Variants in TCF12 observed in about 807,000 individuals in gnomAD.
TCF12 encodes the protein transcription factor 12, also known as DNA-binding protein HTF4.
TCF12 carries 45 observed loss-of-function variants against 86.0 expected under a neutral mutation model. The observed-to-expected ratio is 0.52, with a 90% CI of 0.41 to 0.67. The LOEUF is 0.67. Ranked by LOEUF, TCF12 falls within the 30% of genes least tolerant of loss-of-function variation. The probability of loss-of-function intolerance (pLI) is 0.00; values close to 1 mark genes in which losing one functional copy is unlikely to be tolerated. For synonymous variants in TCF12, 330 were observed against 299.6 expected, an observed-to-expected ratio of 1.10 and a Z score of -1.05; for missense variants, 881 against 859.9, an observed-to-expected ratio of 1.02 and a Z score of -0.31.
chr15:56,936,369 T>G (rs2060470773), intron 3 of TCF12, among the ~76,000 whole-genome samples: 1 of 152,208 alleles, frequency 6.6e-6, no homozygotes, highest in African/African-American at 2.4e-5. Context: ...CCTTGTAGAT[T>G]CTGGATATTA....
chr15:57,187,925 G>C (rs2056767784), intron 6 of TCF12, among the ~76,000 whole-genome samples: 1 of 151,980 alleles, frequency 6.6e-6, no homozygotes, highest in African/African-American at 2.4e-5. Context: ...ATGATAGAGT[G>C]AGACTCCATC....
At chr15:57,192,419 C>G in intron 7 of TCF12, 126 bp downstream of exon 7, 1 of 1,279,816 alleles carries the variant, frequency 7.8e-7, no homozygotes, top group Non-Finnish European at 1.1e-6. Flanking sequence ...GACAGCGTCT[C>G]ACTCTGTTAC....
Position 57,194,819 on chromosome 15 carries a change from G to A in TCF12, c.526+2526G>A, listed in dbSNP as rs2057169087. On this transcript the variant is annotated intron_variant, in intron 7 of 20. Coordinates refer to ENST00000333725, the MANE Select transcript of TCF12 (RefSeq NM_207037.2). ...ATGGAGGTAACTGAAGCTCAAAGAG[G>A]GTTAAGTAACTAGCTGCTATATGAT... Among the ~76,000 whole-genome samples, 5 of 152,204 alleles carry A rather than the reference G, an allele frequency of 3.3e-5. No individual in the cohort carries two copies. In the South Asian group the frequency reaches 8.3e-4, roughly 25 times the overall value.
intron 3 of TCF12, among the ~76,000 whole-genome samples, chr15:57,027,044 G>C (rs1387955965): frequency 5.3e-5 from 8 of 151,854 alleles, no homozygotes; most frequent in African/African-American, 1.9e-4. Context: ...TCGAACTGAG[G>C]TTGAATGAAT....
At chr15:57,203,014 TA>T (rs1481924626) in intron 8 of TCF12, among the ~76,000 whole-genome samples, 3 of 152,168 alleles carry the variant, frequency 2.0e-5, no homozygotes, top group Non-Finnish European at 4.4e-5. Context: ...TGAAGATATA[TA>T]AAAAAGGATA....
intron 8 of TCF12, chr15:57,214,253 A>T (rs1320700545): frequency 1.3e-5 from 2 of 152,202 alleles, no homozygotes; most frequent in Non-Finnish European, 2.9e-5. Flanking sequence ...CTCAGTAATT[A>T]TATAGTTCTG....
At chr15:57,256,784 AT>A (rs1181076937) in intron 16 of TCF12, among the ~76,000 whole-genome samples, 3 of 152,154 alleles carry the variant, frequency 2.0e-5, no homozygotes, top group Admixed American at 6.5e-5. Flanking sequence ...TCATTATTCC[AT>A]TTGTTTATTG....
chr15:57,028,008 G>T (rs1044648816), intron 3 of TCF12, among the ~76,000 whole-genome samples: 7 of 151,948 alleles, frequency 4.6e-5, no homozygotes, highest in Non-Finnish European at 1.0e-4. Flanking sequence ...CTGTTGCCCA[G>T]GCTGGAGTGT....
rs745407664 is a variant in TCF12, at chr15:56,978,355, T to G, written c.148+57257T>G. Among the ~76,000 whole-genome samples, 53 of 152,352 alleles carry G rather than the reference T, an allele frequency of 3.5e-4. 1 individual carries two copies. Among genetic ancestry groups the G allele is most frequent in the Middle Eastern group, 6.8e-3 (2 of 294 alleles). ...CAATAAATTTTTAGGGAAATGTGTTTGCCAGAATTGTTTTAAATTGTAGTA... is the reference window on the plus strand; with the variant it reads ...CAATAAATTTTTAGGGAAATGTGTTGGCCAGAATTGTTTTAAATTGTAGTA... On this transcript the variant is annotated intron_variant, in intron 3 of 20. Transcript: ENST00000333725.
intron 3 of TCF12, among the ~76,000 whole-genome samples, chr15:56,924,542 CTTAAGGTATT>C (rs2059922930): frequency 6.6e-6 from 1 of 152,108 alleles, no homozygotes; most frequent in South Asian, 2.1e-4. Flanking sequence ...TGACCTTTCA[CTTAAGGTATT>C]TTAAGGTTAT....
intron 19 of TCF12, among the ~76,000 whole-genome samples, chr15:57,277,424 A>G (rs2061449125): frequency 6.6e-6 from 1 of 151,818 alleles, no homozygotes; most frequent in Admixed American, 6.6e-5. Flanking sequence ...AGGTCAAGAG[A>G]TCGAGACCAT....
At chr15:57,135,383 A>C (rs1567492614) in intron 5 of TCF12, among the ~76,000 whole-genome samples, 1 of 152,200 alleles carries the variant, frequency 6.6e-6, no homozygotes, top group Non-Finnish European at 1.5e-5. Context: ...AATGCTATGA[A>C]AGAGACTATT....
chr15:57,000,927 G>A (rs999699213), intron 3 of TCF12, among the ~76,000 whole-genome samples: 1 of 150,780 alleles, frequency 6.6e-6, no homozygotes, highest in Non-Finnish European at 1.5e-5. Context: ...TGACTCTACA[G>A]CCATTTTTTT....
intron 14 of TCF12, among the ~76,000 whole-genome samples, chr15:57,251,677 A>T (rs1010178287): frequency 2.0e-5 from 3 of 152,196 alleles, no homozygotes; most frequent in Admixed American, 1.3e-4. Flanking sequence ...TTCTTTGACA[A>T]ATCTAGGGCT....
At chr15:57,281,626 C>T (rs979496458) in intron 19 of TCF12, 8 of 152,216 alleles carry the variant, frequency 5.3e-5, no homozygotes, top group African/African-American at 1.9e-4. Context: ...ATTAGATTCT[C>T]ATAGGAGCAT....
chr15:57,079,196 A>T (rs1300396802), intron 4 of TCF12, among the ~76,000 whole-genome samples: 1 of 152,214 alleles, frequency 6.6e-6, no homozygotes, highest in African/African-American at 2.4e-5. Flanking sequence ...CAATAAAGTA[A>T]TGCCACTTAA....
intron 3 of TCF12, among the ~76,000 whole-genome samples, chr15:56,956,155 G>A (rs2061497204): frequency 6.6e-6 from 1 of 151,524 alleles, no homozygotes; most frequent in Non-Finnish European, 1.5e-5. Context: ...ATATAATTGG[G>A]TTCTGCGTTT....
intron 12 of TCF12, 74 bp from the exon 13 acceptor site, chr15:57,243,398 A>C: frequency 7.6e-7 from 1 of 1,311,276 alleles, no homozygotes; most frequent in Non-Finnish European, 1.1e-6. Flanking sequence ...TATAAAAATA[A>C]CTCCATGTGA....
At chr15:57,073,868 C>T (rs556195790) in intron 4 of TCF12, among the ~76,000 whole-genome samples, 4 of 152,262 alleles carry the variant, frequency 2.6e-5, no homozygotes, top group African/African-American at 9.6e-5. Flanking sequence ...CCTGCCTCAG[C>T]CTCCCGAGTA....
Sources: allele counts gnomAD v4.1 joint callset (sites outside exome capture counted in the v4.1 genomes callset), GRCh38; gene constraint gnomAD v4.1.1; transcripts MANE v1.5; gene names NCBI Gene and HGNC (gene_info 2026-07-23, HGNC 2026-07-21).